Variants in TMEM86B observed in about 807,000 individuals in gnomAD.
TMEM86B encodes lysoplasmalogenase TMEM86B.
In TMEM86B, 15 loss-of-function variants were observed where a neutral mutation model predicts 12.3. That is an observed-to-expected ratio of 1.22 (90% CI 0.81 to 1.87). The LOEUF is 1.87. Ranked by LOEUF, TMEM86B falls within the 40% of genes most tolerant of loss-of-function variation. The pLI is 0.00. For missense variants in TMEM86B, 328 were observed against 297.4 expected, an observed-to-expected ratio of 1.10 and a Z score of -0.76; for synonymous variants, 173 against 140.3, an observed-to-expected ratio of 1.23 and a Z score of -1.65.
At position 55,228,253 on chromosome 19, in the gene TMEM86B, C is replaced by T. The variant is rs752369273; in HGVS notation, c.236G>A (p.Gly79Glu). ...PSGGYTQLLQ[G>E]ALVCSAVGDA... ...CCCCACAGCCGAGCACACAAGGGCTCCCTGGAGGAGCTGGGTGTAGCCCCC... is the reference window on the plus strand; with the variant it reads ...CCCCACAGCCGAGCACACAAGGGCTTCCTGGAGGAGCTGGGTGTAGCCCCC... Residue 79 changes from glycine (G) to glutamate (E), a missense_variant, in exon 2 of 3, where the codon GGA becomes GAA. Gly to Glu is a moderately conservative substitution (Grantham distance 98). Transcript: ENST00000327042. 32 of 1,612,700 alleles carry T rather than the reference C, an allele frequency of 2.0e-5. No individual in the cohort carries two copies. The highest frequency in any genetic ancestry group is 2.7e-5 in the Non-Finnish European group (32 of 1,179,678).
chr19:55,228,344 C>A lies in TMEM86B; in HGVS notation c.145G>T (p.Ala49Ser). Residue 49 changes from alanine (A) to serine (S), a missense_variant, in exon 2 of 3, where the codon GCT becomes TCT. Coordinates refer to ENST00000327042, the MANE Select transcript of TMEM86B (RefSeq NM_173804.5). ...ACGGGCAGGCACTTGACCAGGGCAG[C>A]GAACCAGGACAGCTGGTCCTCGGGA... is the stretch of plus-strand genomic sequence containing the variant. ...WIPEDQLSWF[A>S]ALVKCLPVLC... The A allele has an allele frequency of 6.2e-7, 1 of 1,613,782 alleles. No homozygotes were observed. Among genetic ancestry groups the A allele is most frequent in the Non-Finnish European group, 8.5e-7 (1 of 1,179,976 alleles).
intron 2 of TMEM86B, chr19:55,227,920 C>T (rs1269872896): frequency 3.2e-6 from 2 of 633,166 alleles, no homozygotes; most frequent in East Asian, 2.8e-5. Flanking sequence ...AATGTGACTT[C>T]CTCAGTGAGG....
At position 55,228,690 on chromosome 19, in the gene TMEM86B, C is replaced by A. The variant is rs1459826873; in HGVS notation, c.51+1G>T. 4.3e-6 allele frequency: 7 copies of A among 1,612,700 alleles called. No homozygotes were observed. Among genetic ancestry groups the A allele is most frequent in the Non-Finnish European group, 5.9e-6 (7 of 1,179,674 alleles). On this transcript the variant is annotated splice_donor_variant, in intron 1 of 2. Transcript: ENST00000327042. LOFTEE classifies it high-confidence loss of function. ...CCAGGCACAGCTCAGAAGGCTCTCACCTGGGCTGAGCAGTGAGTCTTCAGG... is the reference window on the plus strand; with the variant it reads ...CCAGGCACAGCTCAGAAGGCTCTCAACTGGGCTGAGCAGTGAGTCTTCAGG...
At position 55,227,135 on chromosome 19, in the gene TMEM86B, C is replaced by G; in HGVS notation, c.*46G>C. ...TGGGCTGGGCTGGGAGGCCCAGGTC[C>G]TTGCAGGAGGAGAGGGCCTGAACAC... On this transcript the variant is annotated 3_prime_UTR_variant, in exon 3 of 3. Coordinates refer to ENST00000327042, the MANE Select transcript of TMEM86B (RefSeq NM_173804.5). 7.0e-7 allele frequency: 1 copy of G among 1,418,996 alleles called. No homozygotes were observed. The highest frequency in any genetic ancestry group is 1.6e-5 in the South Asian group (1 of 61,772). The allele number at this position is 1,418,996 out of a possible 1,614,324, so 87.9% of individuals were successfully genotyped here. A position where few individuals can be genotyped will look rare whatever the true frequency, so the allele number is the denominator to read the frequency against.
At chr19:55,227,621 GGTCACCCCTCA>G (rs1341286149) in intron 2 of TMEM86B, 58 bp from the exon 3 acceptor site, 11 of 1,470,982 alleles carry the variant, frequency 7.5e-6, no homozygotes, top group Non-Finnish European at 9.9e-6. Context: ...ATGGCCCCGA[GGTCACCCCTCA>G]GGGCCTAAGA....
At chr19:55,227,740 G>C in intron 2 of TMEM86B, 177 bp from the exon 3 acceptor site, 1 of 888,602 alleles carries the variant, frequency 1.1e-6, no homozygotes, top group East Asian at 2.7e-5. Flanking sequence ...AGAACTGCCA[G>C]GAGGCCCCAC....
chr19:55,227,267 G>A lies in TMEM86B; in HGVS notation c.595C>T (p.His199Tyr), dbSNP rs567491220. ...DTFAQPLPHA[H>Y]LVIMTTYYAA... is the part of the protein sequence containing the mutation. ...TAGTAGGTGGTCATGATCACCAGGT[G>A]GGCATGGGGCAGGGGCTGGGCGAAG... is the stretch of plus-strand genomic sequence containing the variant. The change falls in exon 3 of 3, where the codon CAC (histidine) becomes TAC (tyrosine). Residue 199 changes from histidine (H) to tyrosine (Y), a missense_variant. Physicochemically the swap from His to Tyr is moderately conservative, Grantham distance 83 (BLOSUM62 2). Coordinates refer to ENST00000327042, the MANE Select transcript of TMEM86B (RefSeq NM_173804.5). 4.0e-5 allele frequency: 65 copies of A among 1,605,862 alleles called. No homozygotes were observed. The Middle Eastern group carries it at 7.0e-4, about 17-fold the overall frequency.
rs2087284392 is a variant in TMEM86B at position 55,226,673 on chromosome 19, T to TA, written c.*507_*508insT. On this transcript the variant is annotated 3_prime_UTR_variant, in exon 3 of 3. Coordinates refer to ENST00000327042, the MANE Select transcript of TMEM86B (RefSeq NM_173804.5). ...ACAATCCTCACTTTATCCCCCCGAA[T>TA]CCCCCCACCAGAGGGCCATGGAGGG... 6.5e-6 allele frequency: 1 copy of TA among 153,222 alleles called. No individual in the cohort carries two copies. Among genetic ancestry groups the TA allele is most frequent in the South Asian group, 2.1e-4 (1 of 4,842 alleles). 9.5% of individuals were successfully genotyped at this position (153,222 alleles called of 1,614,324 possible).
chr19:55,228,565 C>G (rs906657870), intron 1 of TMEM86B, 126 bp downstream of exon 1: 33 of 1,521,152 alleles, frequency 2.2e-5, no homozygotes, highest in African/African-American at 2.8e-5. Context: ...ATTCAGGGAC[C>G]AGGCTGCCAG....
rs997356669 is a variant in TMEM86B, at chr19:55,227,731, G to T, written c.299-168C>A. 3.2e-6 allele frequency: 3 copies of T among 951,276 alleles called. No individual in the cohort carries two copies. In the African/African-American group the frequency reaches 5.0e-5, roughly 16 times the overall value. The allele number at this position is 951,276 out of a possible 1,614,324, so 58.9% of individuals were successfully genotyped here. A position where few individuals can be genotyped will look rare whatever the true frequency, so the allele number is the denominator to read the frequency against. On this transcript the variant is annotated intron_variant, in intron 2 of 2. Transcript: ENST00000327042. ...GCAGTGTCCATCCTTGCTCTGCTCA[G>T]AACTGCCAGGAGGCCCCACCTTCCC...
chr19:55,227,858 C>T (rs1381448659), intron 2 of TMEM86B: 3 of 590,808 alleles, frequency 5.1e-6, no homozygotes, highest in Non-Finnish European at 8.8e-6. Flanking sequence ...GCCCCGGAGC[C>T]TTTACACTCG....
chr19:55,227,274 G>C lies in TMEM86B; in HGVS notation c.588C>G (p.Pro196=). The C allele has an allele frequency of 6.2e-7, 1 of 1,607,816 alleles. No homozygotes were observed. The highest frequency in any genetic ancestry group is 1.3e-5 in the African/African-American group (1 of 74,924). Residue 196 remains proline, a synonymous_variant, in exon 3 of 3, where the codon CCC becomes CCG. Transcript: ENST00000327042. ...TGGTCATGATCACCAGGTGGGCATG[G>C]GGCAGGGGCTGGGCGAAGGTGTCCC... ...LAWDTFAQPL[P]HAHLVIMTTY...
Position 55,226,694 on chromosome 19 carries a change from G to T in TMEM86B, c.*487C>A. The T allele has an allele frequency of 6.4e-6, 1 of 155,232 alleles. No individual in the cohort carries two copies. The highest frequency in any genetic ancestry group is 1.4e-5 in the Non-Finnish European group (1 of 70,214). The allele number at this position is 155,232 out of a possible 1,614,324, so 9.6% of individuals were successfully genotyped here. On this transcript the variant is annotated 3_prime_UTR_variant, in exon 3 of 3. Coordinates refer to ENST00000327042, the MANE Select transcript of TMEM86B (RefSeq NM_173804.5). ...CGAATCCCCCCACCAGAGGGCCATG[G>T]AGGGTCCCACTGGGCACCAGGCCTG...
Position 55,227,120 on chromosome 19 carries a change from T to C in TMEM86B, c.*61A>G, listed in dbSNP as rs530223613. On this transcript the variant is annotated 3_prime_UTR_variant, in exon 3 of 3. Coordinates refer to ENST00000327042, the MANE Select transcript of TMEM86B (RefSeq NM_173804.5). Reference sequence around the variant, plus strand: ...GGGTATTTCTCAGGCTGGGCTGGGCTGGGAGGCCCAGGTCCTTGCAGGAGG... The same window carrying C: ...GGGTATTTCTCAGGCTGGGCTGGGCCGGGAGGCCCAGGTCCTTGCAGGAGG... The C allele has an allele frequency of 1.0e-5, 14 of 1,391,726 alleles. No individual in the cohort carries two copies. The Admixed American group carries it at 2.8e-4, about 28-fold the overall frequency. 86.2% of individuals were successfully genotyped at this position (1,391,726 alleles called of 1,614,324 possible).
At position 55,227,971 on chromosome 19, in the gene TMEM86B, C is replaced by T. The variant is rs900013349; in HGVS notation, c.298+220G>A. ...CTGCTTCAAACTGCAGTACCTCCAG[C>T]AGGTCCTCACTGCCCTCTGCGCCAC... On this transcript the variant is annotated intron_variant, in intron 2 of 2. Coordinates refer to ENST00000327042, the MANE Select transcript of TMEM86B (RefSeq NM_173804.5). 7.9e-6 allele frequency: 6 copies of T among 761,866 alleles called. No individual in the cohort carries two copies. The Admixed American group carries it at 8.9e-5, about 11-fold the overall frequency. The allele number at this position is 761,866 out of a possible 1,614,324, so 47.2% of individuals were successfully genotyped here.
rs1337310136 is a variant in TMEM86B, at chr19:55,228,336, C to G, written c.153G>C (p.Leu51=). 9 of 1,613,798 alleles carry G rather than the reference C, an allele frequency of 5.6e-6. No homozygotes were observed. Among genetic ancestry groups the G allele is most frequent in the Non-Finnish European group, 7.6e-6 (9 of 1,180,008 alleles). Residue 51 remains leucine, a synonymous_variant, in exon 2 of 3, where the codon CTG becomes CTC. Coordinates refer to ENST00000327042, the MANE Select transcript of TMEM86B (RefSeq NM_173804.5). ...GGCAGAGGACGGGCAGGCACTTGAC[C>G]AGGGCAGCGAACCAGGACAGCTGGT... is the stretch of plus-strand genomic sequence containing the variant. The part of the protein sequence containing the change: ...PEDQLSWFAA[L]VKCLPVLCLA...
In TMEM86B at chr19:55,227,065, C is replaced by T. The variant is rs1600098906; in HGVS notation, c.*116G>A. 5 of 1,200,944 alleles carry T rather than the reference C, an allele frequency of 4.2e-6. No homozygotes were observed. Among genetic ancestry groups the T allele is most frequent in the Non-Finnish European group, 5.4e-6 (5 of 922,816 alleles). 74.4% of individuals were successfully genotyped at this position (1,200,944 alleles called of 1,614,324 possible). ...GAAGCGACGGCGGCAGCGGCGCCTG[C>T]AGACAGGCGTCAGGAAGCTTCGCTG... On this transcript the variant is annotated 3_prime_UTR_variant, in exon 3 of 3. Coordinates refer to ENST00000327042, the MANE Select transcript of TMEM86B (RefSeq NM_173804.5).
rs570997267 is a variant in TMEM86B, at chr19:55,227,106, A to G, written c.*75T>C. The G allele has an allele frequency of 4.4e-4, 596 of 1,362,098 alleles. 1 individual carries two copies. The highest frequency in any genetic ancestry group is 5.5e-4 in the Non-Finnish European group (574 of 1,048,764). 84.4% of individuals were successfully genotyped at this position (1,362,098 alleles called of 1,614,324 possible). A position where few individuals can be genotyped will look rare whatever the true frequency, so the allele number is the denominator to read the frequency against. ...AGCTTCGCTGCTGAGGGTATTTCTC[A>G]GGCTGGGCTGGGCTGGGAGGCCCAG... is the stretch of plus-strand genomic sequence containing the variant. On this transcript the variant is annotated 3_prime_UTR_variant, in exon 3 of 3. Coordinates refer to ENST00000327042, the MANE Select transcript of TMEM86B (RefSeq NM_173804.5).
rs2087289803 is a variant in TMEM86B at position 55,227,224 on chromosome 19, A to G, written c.638T>C (p.Ile213Thr). 6.4e-7 allele frequency: 1 copy of G among 1,567,232 alleles called. No individual in the cohort carries two copies. Among genetic ancestry groups the G allele is most frequent in the South Asian group, 1.2e-5 (1 of 85,024 alleles). ...MTTYYAAQLLITLSALRSPVP... is the reference protein window; with the variant it reads ...MTTYYAAQLLTTLSALRSPVP... ...CGGGCTCCTGAGGGCTGACAGTGTG[A>G]TGAGGAGCTGGGCAGCATAGTAGGT... The change falls in exon 3 of 3, where the codon ATC becomes ACC. Residue 213 changes from isoleucine to threonine, a missense_variant. By Grantham distance (89) the Ile-to-Thr change is moderately conservative. Coordinates refer to ENST00000327042, the MANE Select transcript of TMEM86B (RefSeq NM_173804.5).
Sources: gnomAD v4.1 joint callset for allele counts on GRCh38, gnomAD v4.1.1 for gene constraint, MANE v1.5 for transcripts, NCBI Gene and HGNC (gene_info 2026-07-23, HGNC 2026-07-21) for gene names.